Variants in LRPPRC observed in about 807,000 individuals in gnomAD.
LRPPRC encodes leucine rich pentatricopeptide repeat containing.
A neutral mutation model predicts 180.3 loss-of-function variants in LRPPRC; 120 were observed. That is an observed-to-expected ratio of 0.67 (90% CI 0.57 to 0.77). The LOEUF (loss-of-function observed/expected upper bound fraction) is 0.77. Among genes scored for constraint, LRPPRC ranks in the 30% least tolerant of loss-of-function variants. LRPPRC has a pLI of 0.00. For missense variants in LRPPRC, 2,012 were observed against 1,657.2 expected (o/e 1.21, Z -3.72); for synonymous variants, 723 against 600.0 (o/e 1.21, Z -3.00).
intron 23 of LRPPRC, among the ~76,000 whole-genome samples, chr2:43,938,767 T>C (rs1672363852): frequency 6.6e-6 from 1 of 152,198 alleles, no homozygotes; most frequent in Admixed American, 6.5e-5. Context: ...TAAAACTATC[T>C]ACTTTGAGAT....
In LRPPRC at chr2:43,951,429, T is replaced by A. The variant is rs575334911; in HGVS notation, c.1650-829A>T. On this transcript the variant is annotated intron_variant, in intron 14 of 37. Transcript: ENST00000260665. ...TGAGGGGCTAATGTGCCAAAGTGCA[T>A]AATATTAAGTGGTAAAACTTGCCAT... 3.3e-5 allele frequency among the ~76,000 whole-genome samples: 5 copies of A among 152,304 alleles called. No individual in the cohort carries two copies. In the East Asian group the frequency reaches 9.6e-4, roughly 29 times the overall value.
Position 43,914,965 on chromosome 2 carries a change from T to C in LRPPRC, c.3149-2407A>G, listed in dbSNP as rs1346561539. Among the ~76,000 whole-genome samples, 4 of 149,986 alleles carry C rather than the reference T, an allele frequency of 2.7e-5. No individual in the cohort carries two copies. The Admixed American group carries it at 2.7e-4, about 10-fold the overall frequency. ...GGCTCATGCCTATAATCCCAGCACT[T>C]TGGGAGGCTCAGGTGGGCGATCACT... On this transcript the variant is annotated intron_variant, in intron 29 of 37. Transcript: ENST00000260665.
At chr2:43,940,210 A>G (rs1398895379) in intron 23 of LRPPRC, among the ~76,000 whole-genome samples, 1 of 152,196 alleles carries the variant, frequency 6.6e-6, no homozygotes, top group Non-Finnish European at 1.5e-5. Flanking sequence ...TAATGGAGTA[A>G]AAGAGCCAAA....
intron 8 of LRPPRC, 76 bp from the exon 9 acceptor site, chr2:43,974,371 G>T: frequency 9.0e-7 from 1 of 1,116,056 alleles, no homozygotes; most frequent in Non-Finnish European, 1.4e-6. Flanking sequence ...TTCCAATACT[G>T]AAGACAAAAT....
Position 43,936,237 on chromosome 2 carries a change from T to TAG in LRPPRC, c.2505-1361_2505-1360dup, listed in dbSNP as rs35261739. Among the ~76,000 whole-genome samples, 1,234 of 152,314 alleles carry TAG rather than the reference T, an allele frequency of 8.1e-3. 11 individuals carry two copies. Among genetic ancestry groups the TAG allele is most frequent in the Non-Finnish European group, 0.011 (721 of 68,024 alleles). On this transcript the variant is annotated intron_variant, in intron 23 of 37. Coordinates refer to ENST00000260665, the MANE Select transcript of LRPPRC (RefSeq NM_133259.4). The stretch of plus-strand genomic sequence containing the variant: ...CTACCAGGTAAACAGAGGAAGGTAC[T>TAG]AGGTAAGCAAGTCGCTGGACTTCCC...
intron 14 of LRPPRC, among the ~76,000 whole-genome samples, chr2:43,955,604 G>A (rs1673079619): frequency 6.6e-6 from 1 of 152,076 alleles, no homozygotes; most frequent in Non-Finnish European, 1.5e-5. Context: ...GCCAGCCATG[G>A]TGGCATGCGC....
chr2:43,975,005 A>G (rs1255858198), intron 7 of LRPPRC, 86 bp downstream of exon 7: 1 of 1,393,892 alleles, frequency 7.2e-7, no homozygotes, highest in Non-Finnish European at 1.0e-6. Context: ...AAACAGGTAT[A>G]AACTTCACTT....
intron 1 of LRPPRC, among the ~76,000 whole-genome samples, chr2:43,993,645 G>A (rs1345797155): frequency 2.0e-5 from 3 of 151,862 alleles, no homozygotes; most frequent in Non-Finnish European, 4.4e-5. Flanking sequence ...GGAAAAAGAG[G>A]GAACAATCAC....
chr2:43,902,817 C>T (rs1190208270), intron 31 of LRPPRC: 2 of 152,174 alleles, frequency 1.3e-5, no homozygotes, highest in South Asian at 4.2e-4. Flanking sequence ...GCTAGGGAGG[C>T]TCTTCCCACA....
chr2:43,917,267 T>C (rs1281369754), intron 29 of LRPPRC, among the ~76,000 whole-genome samples: 1 of 151,850 alleles, frequency 6.6e-6, no homozygotes, highest in Non-Finnish European at 1.5e-5. Context: ...TCTCCATCTC[T>C]TGACTTCGTG....
intron 23 of LRPPRC, 105 bp downstream of exon 23, chr2:43,943,582 T>G: frequency 1.1e-6 from 1 of 946,578 alleles, no homozygotes; most frequent in Non-Finnish European, 1.7e-6. Flanking sequence ...GTAAATGACC[T>G]CCAAGGCTTC....
At chr2:43,908,107 G>T (rs751664170) in intron 30 of LRPPRC, among the ~76,000 whole-genome samples, 1 of 152,032 alleles carries the variant, frequency 6.6e-6, no homozygotes, top group African/African-American at 2.4e-5. Flanking sequence ...CATTATTTCC[G>T]AACAGAATGA....
chr2:43,947,543 C>T (rs1314612440), intron 19 of LRPPRC, among the ~76,000 whole-genome samples, 173 bp from the exon 20 acceptor site: 1 of 151,960 alleles, frequency 6.6e-6, no homozygotes, highest in Non-Finnish European at 1.5e-5. Context: ...TACAAACCTT[C>T]TGAGATTATA....
At chr2:43,908,456 G>A (rs749002933) in intron 30 of LRPPRC, among the ~76,000 whole-genome samples, 26 of 152,198 alleles carry the variant, frequency 1.7e-4, no homozygotes, top group African/African-American at 2.2e-4. Flanking sequence ...CTTATTAGAG[G>A]TCAAGTGTAT....
chr2:43,995,414 C>A (rs1674997588), intron 1 of LRPPRC, among the ~76,000 whole-genome samples: 1 of 152,210 alleles, frequency 6.6e-6, no homozygotes, highest in Admixed American at 6.5e-5. Context: ...TTACTGATCA[C>A]CAACGGTGAC....
intron 1 of LRPPRC, among the ~76,000 whole-genome samples, chr2:43,993,785 G>T (rs1188309342): frequency 6.6e-6 from 1 of 151,542 alleles, no homozygotes; most frequent in African/African-American, 2.4e-5. Context: ...AGACAAGTGA[G>T]GTGTGCCACG....
intron 1 of LRPPRC, among the ~76,000 whole-genome samples, chr2:43,989,502 T>C (rs1300810231): frequency 1.3e-5 from 2 of 152,250 alleles, no homozygotes; most frequent in Non-Finnish European, 2.9e-5. Flanking sequence ...TCAGAATCTA[T>C]GAAGATCCCT....
chr2:43,889,313 T>TTAAA (rs1670393402), intron 37 of LRPPRC, among the ~76,000 whole-genome samples: 1 of 4,678 alleles, frequency 2.1e-4, no homozygotes, highest in African/African-American at 8.5e-4. Context: ...AGACTCCATC[T>TTAAA]CAAAAAAAAA....
chr2:43,988,820 G>T (rs1360181043), intron 1 of LRPPRC, among the ~76,000 whole-genome samples: 1 of 152,092 alleles, frequency 6.6e-6, no homozygotes, highest in Non-Finnish European at 1.5e-5. Flanking sequence ...TGGGATTACA[G>T]GCATGAGCCA....
Sources: allele counts gnomAD v4.1 joint callset (sites outside exome capture counted in the v4.1 genomes callset), GRCh38; gene constraint gnomAD v4.1.1; transcripts MANE v1.5; gene names NCBI Gene and HGNC (gene_info 2026-07-23, HGNC 2026-07-21).